RAB27A: variants seen among roughly 807,000 people sequenced by gnomAD.
The protein encoded by RAB27A is ras-related protein Rab-27A.
Under a neutral mutation model 20.8 loss-of-function variants are expected in RAB27A, and 17 were observed. The ratio of observed to expected loss-of-function variants is 0.82; its 90% CI spans 0.56 to 1.23. The LOEUF (loss-of-function observed/expected upper bound fraction) is 1.23. RAB27A is among the 50% of genes most tolerant of loss of function. RAB27A has a pLI of 0.00. For missense variants in RAB27A, 277 were observed against 266.7 expected (o/e 1.04, Z -0.27); for synonymous variants, 85 against 92.8 (o/e 0.92, Z 0.48).
chr15:55,229,460 G>A (rs1451880165), intron 4 of RAB27A, among the ~76,000 whole-genome samples: 2 of 152,166 alleles, frequency 1.3e-5, no homozygotes, highest in Non-Finnish European at 2.9e-5. Flanking sequence ...CAGATCACCT[G>A]AAGTCAGGAG....
chr15:55,288,560 C>T (rs930912922), intron 1 of RAB27A, among the ~76,000 whole-genome samples: 2 of 148,160 alleles, frequency 1.3e-5, no homozygotes, highest in Non-Finnish European at 3.0e-5. Flanking sequence ...TATACTTCAA[C>T]GAAATTAAAA....
chr15:55,215,427 C>A (rs997116809), intron 6 of RAB27A, among the ~76,000 whole-genome samples: 17 of 145,708 alleles, frequency 1.2e-4, no homozygotes, highest in Non-Finnish European at 2.3e-4. Flanking sequence ...CCGAGGAGGG[C>A]GGATCACGAG....
intron 2 of RAB27A, among the ~76,000 whole-genome samples, chr15:55,251,844 C>G (rs777999487): frequency 1.3e-5 from 2 of 152,082 alleles, no homozygotes; most frequent in Admixed American, 6.6e-5. Context: ...CAGCTAATGT[C>G]TGTGTCATGA....
At chr15:55,227,140 C>T (rs552171756) in intron 5 of RAB27A, among the ~76,000 whole-genome samples, 2 of 152,142 alleles carry the variant, frequency 1.3e-5, no homozygotes, top group Admixed American at 6.5e-5. Context: ...CTAAGGAAAA[C>T]AAAACAAAAT....
chr15:55,227,812 C>A (rs1895869448), intron 5 of RAB27A, among the ~76,000 whole-genome samples: 2 of 152,096 alleles, frequency 1.3e-5, no homozygotes, highest in African/African-American at 4.8e-5. Flanking sequence ...TTCATAATCC[C>A]AAAACAGTAA....
intron 2 of RAB27A, among the ~76,000 whole-genome samples, chr15:55,240,579 T>G (rs1896440288): frequency 6.6e-6 from 1 of 151,956 alleles, no homozygotes; most frequent in Admixed American, 6.6e-5. Context: ...CATATTAGCA[T>G]GGGCACAATT....
intron 1 of RAB27A, among the ~76,000 whole-genome samples, chr15:55,281,736 G>A (rs930632762): frequency 1.5e-4 from 23 of 151,336 alleles, no homozygotes; most frequent in African/African-American, 5.6e-4. Flanking sequence ...AGGGAAGGGG[G>A]AATGGAAGGG....
intron 2 of RAB27A, among the ~76,000 whole-genome samples, chr15:55,302,352 A>G (rs1453427284): frequency 6.6e-6 from 1 of 152,020 alleles, no homozygotes; most frequent in African/African-American, 2.4e-5. Context: ...CCGGGATTGC[A>G]GACGGAGTCT....
At chr15:55,229,121 G>C (rs1895932410) in intron 4 of RAB27A, among the ~76,000 whole-genome samples, 1 of 152,100 alleles carries the variant, frequency 6.6e-6, no homozygotes, top group Non-Finnish European at 1.5e-5. Context: ...TGGCTTGAAG[G>C]TAAGAATCTC....
chr15:55,234,785 T>A lies in RAB27A; in HGVS notation c.150A>T (p.Arg50Ser). Reference sequence around the variant, plus strand: ...CATAGAAGGATATAGAACTTACCACTCTTTTTTCCCTGAAATCAATGCCCA... The same window carrying A: ...CATAGAAGGATATAGAACTTACCACACTTTTTTCCCTGAAATCAATGCCCA... Reference protein sequence around the residue: ...TTVGIDFREKRVVYRASGPDG... With the variant: ...TTVGIDFREKSVVYRASGPDG... The change falls in exon 3 of 7, where the codon AGA (arginine) becomes AGT (serine). Residue 50 changes from arginine to serine, a missense_variant. By Grantham distance (110) the Arg-to-Ser change is moderately radical (BLOSUM62 -1). Coordinates refer to ENST00000336787, the MANE Select transcript of RAB27A (RefSeq NM_183235.3). The A allele has an allele frequency of 6.2e-7, 1 of 1,609,820 alleles. No individual in the cohort carries two copies. The highest frequency in any genetic ancestry group is 8.5e-7 in the Non-Finnish European group (1 of 1,176,420).
chr15:55,274,815 T>TATATATATATATATATATATATATACAC (rs1188210380), intron 1 of RAB27A, among the ~76,000 whole-genome samples: 1 of 135,106 alleles, frequency 7.4e-6, no homozygotes, highest in African/African-American at 2.7e-5. Context: ...TATATATATA[T>TATATATATATATATATATATATATACAC]ATATATATAT....
At chr15:55,232,650 C>T (rs1045874620) in intron 3 of RAB27A, among the ~76,000 whole-genome samples, 1 of 152,112 alleles carries the variant, frequency 6.6e-6, no homozygotes, top group Admixed American at 6.5e-5. Flanking sequence ...CTCTAGCAGA[C>T]CTATCCTACA....
chr15:55,314,330 C>T (rs1381723356), intron 1 of RAB27A, among the ~76,000 whole-genome samples: 2 of 152,046 alleles, frequency 1.3e-5, no homozygotes, highest in Non-Finnish European at 2.9e-5. Context: ...TCATTGAAAA[C>T]ACAAGCTTAA....
intron 2 of RAB27A, among the ~76,000 whole-genome samples, chr15:55,256,255 A>T (rs1393132889): frequency 6.6e-6 from 1 of 152,056 alleles, no homozygotes; most frequent in Non-Finnish European, 1.5e-5. Flanking sequence ...TTGTACAAAA[A>T]TTTTTTTAAT....
In RAB27A at chr15:55,205,687, A is replaced by G; in HGVS notation, c.486T>C (p.Thr162=). The part of the protein sequence containing the change: ...AEKYGIPYFE[T]SAANGTNISQ... Reference sequence around the variant, plus strand: ...TTATGTTTGTCCCATTGGCAGCACTAGTTTCAAAGTAGGGGATTCTGGAAG... The same window carrying G: ...TTATGTTTGTCCCATTGGCAGCACTGGTTTCAAAGTAGGGGATTCTGGAAG... The change falls in exon 7 of 7, where the codon ACT becomes ACC. Residue 162 remains threonine (T), a synonymous_variant. Transcript: ENST00000336787. 1 of 1,613,912 alleles carries G rather than the reference A, an allele frequency of 6.2e-7. No individual in the cohort carries two copies.
Position 55,214,344 on chromosome 15 carries a change from G to A in RAB27A, c.468-8639C>T, listed in dbSNP as rs530307709. ...CCAGCTACTCGGGAGGCTGAGGCAG[G>A]AGGATGGCATGAACCCAGGAGGTGG... On this transcript the variant is annotated intron_variant, in intron 6 of 6. Transcript: ENST00000336787. Among the ~76,000 whole-genome samples, 6 of 152,318 alleles carry A rather than the reference G, an allele frequency of 3.9e-5. No homozygotes were observed. The South Asian group carries it at 1.0e-3, about 26-fold the overall frequency.
chr15:55,239,790 T>G (rs901100124), intron 2 of RAB27A, among the ~76,000 whole-genome samples: 12 of 152,060 alleles, frequency 7.9e-5, no homozygotes, highest in African/African-American at 2.7e-4. Context: ...TTCCAAAGAA[T>G]AAGAAAATTT....
chr15:55,228,202 T>C (rs1895884307), intron 5 of RAB27A, among the ~76,000 whole-genome samples: 1 of 152,194 alleles, frequency 6.6e-6, no homozygotes, highest in African/African-American at 2.4e-5. Flanking sequence ...AAAAGCTATC[T>C]GCATCTATGT....
chr15:55,259,465 T>C (rs1897199665), intron 2 of RAB27A, among the ~76,000 whole-genome samples: 1 of 151,994 alleles, frequency 6.6e-6, no homozygotes, highest in Non-Finnish European at 1.5e-5. Context: ...TCTTTTCTTT[T>C]TTGTAGAGAT....
Sources: gnomAD v4.1 joint callset for allele counts (sites outside exome capture counted in the v4.1 genomes callset) on GRCh38, gnomAD v4.1.1 for gene constraint, MANE v1.5 for transcripts, NCBI Gene and HGNC (gene_info 2026-07-23, HGNC 2026-07-21) for gene names.